The following CYP27A1 variants were observed in gnomAD, a reference collection of about 807,000 sequenced individuals.
CYP27A1 encodes the protein cytochrome P450 family 27 subfamily A member 1, also known as sterol 26-hydroxylase, mitochondrial.
A neutral mutation model predicts 58.2 loss-of-function variants in CYP27A1; 46 were observed. The ratio of observed to expected loss-of-function variants is 0.79; its 90% CI spans 0.62 to 1.01. CYP27A1 has a LOEUF of 1.01. CYP27A1 is among the 50% of genes least tolerant of loss of function. The probability of loss-of-function intolerance (pLI) is 0.00; values close to 1 mark genes in which losing one functional copy is unlikely to be tolerated. For missense variants in CYP27A1, 704 were observed against 687.0 expected, an observed-to-expected ratio of 1.02 and a Z score of -0.28; for synonymous variants, 274 against 285.1, an observed-to-expected ratio of 0.96 and a Z score of 0.39.
At chr2:218,800,161 A>G (rs1943585341) in intron 1 of CYP27A1, among the ~76,000 whole-genome samples, 1 of 152,110 alleles carries the variant, frequency 6.6e-6, no homozygotes, top group South Asian at 2.1e-4. Flanking sequence ...AGAACCTGAG[A>G]GGTGATGAGA....
chr2:218,800,095 G>A (rs953782107), intron 1 of CYP27A1, among the ~76,000 whole-genome samples: 2 of 152,106 alleles, frequency 1.3e-5, no homozygotes, highest in Non-Finnish European at 2.9e-5. Context: ...CAGCCAAGGG[G>A]TTTTATGTTC....
Position 218,815,073 on chromosome 2 carries a change from C to T in CYP27A1, c.*43C>T, listed in dbSNP as rs753496370. ...CTGGGGCTTGTCCTAGAGGCTCCAG[C>T]TCTGGCACAGTGGTTCCTGGCTGCT... is the stretch of plus-strand genomic sequence containing the variant. On this transcript the variant is annotated 3_prime_UTR_variant, in exon 9 of 9. Transcript: ENST00000258415. 3.1e-6 allele frequency: 5 copies of T among 1,613,368 alleles called. No individual in the cohort carries two copies. The highest frequency in any genetic ancestry group is 2.2e-5 in the East Asian group (1 of 44,860).
chr2:218,786,030 G>GT (rs940671534), intron 1 of CYP27A1, among the ~76,000 whole-genome samples: 48 of 152,256 alleles, frequency 3.2e-4, no homozygotes, highest in Admixed American at 1.5e-3. Flanking sequence ...CAAACTTACA[G>GT]TCCCCCAGCT....
Position 218,809,636 on chromosome 2 carries a change from C to T in CYP27A1, c.315C>T (p.His105=), listed in dbSNP as rs753981913. The part of the protein sequence containing the change: ...MWMSYLGPQM[H]VNLASAPLLE... ...TGTCCTACTTAGGGCCTCAGATGCA[C>T]GTGAACCTGGCCAGTGCCCCGCTCT... The change falls in exon 2 of 9, where the codon CAC becomes CAT. Residue 105 remains histidine, a synonymous_variant. Transcript: ENST00000258415. 85 of 1,613,982 alleles carry T rather than the reference C, an allele frequency of 5.3e-5. 1 individual carries two copies. Among genetic ancestry groups the T allele is most frequent in the South Asian group, 3.7e-4 (34 of 91,086 alleles).
intron 1 of CYP27A1, among the ~76,000 whole-genome samples, chr2:218,795,143 A>G (rs1029806557): frequency 2.0e-5 from 3 of 152,202 alleles, no homozygotes; most frequent in African/African-American, 7.2e-5. Flanking sequence ...CATGGATACT[A>G]GCATGACTTT....
chr2:218,814,699 T>TCC lies in CYP27A1; in HGVS notation c.1419_1420dup (p.Arg474ProfsTer21). ...GGCTCTGTGCCCTTTGGCTATGGGG[T>TCC]CCGGGCCTGCCTGGGCCGCAGGATT... On this transcript the variant is annotated frameshift_variant, in exon 8 of 9. Transcript: ENST00000258415. LOFTEE classifies it high-confidence loss of function. 3 of 1,613,994 alleles carry TCC rather than the reference T, an allele frequency of 1.9e-6. No individual in the cohort carries two copies. The South Asian group carries it at 3.3e-5, about 18-fold the overall frequency.
chr2:218,812,281 C>A lies in CYP27A1; in HGVS notation c.506C>A (p.Ala169Glu), dbSNP rs59443548. 8.5e-5 allele frequency: 137 copies of A among 1,614,022 alleles called. No homozygotes were observed. Among genetic ancestry groups the A allele is most frequent in the Non-Finnish European group, 1.2e-4 (136 of 1,180,006 alleles). Residue 169 changes from alanine to glutamate, a missense_variant, in exon 3 of 9, where the codon GCG (alanine) becomes GAG (glutamate). Physicochemically the swap from Ala to Glu is moderately radical, Grantham distance 107. Coordinates refer to ENST00000258415, the MANE Select transcript of CYP27A1 (RefSeq NM_000784.4). ...QALNQRLLKP[A>E]EAALYTDAFN... is the part of the protein sequence containing the mutation. Reference sequence around the variant, plus strand: ...CTGAACCAGCGGTTGCTGAAGCCAGCGGAAGCAGCGCTCTATACGGATGCT... The same window carrying A: ...CTGAACCAGCGGTTGCTGAAGCCAGAGGAAGCAGCGCTCTATACGGATGCT...
At chr2:218,791,670 T>C (rs1398809125) in intron 1 of CYP27A1, among the ~76,000 whole-genome samples, 3 of 152,226 alleles carry the variant, frequency 2.0e-5, no homozygotes, top group Admixed American at 2.0e-4. Flanking sequence ...TATGAAATTA[T>C]GAACCCAAGG....
chr2:218,812,965 C>A lies in CYP27A1; in HGVS notation c.886C>A (p.Gln296Lys). 1 of 1,614,242 alleles carries A rather than the reference C, an allele frequency of 6.2e-7. No homozygotes were observed. The highest frequency in any genetic ancestry group is 1.7e-5 in the Admixed American group (1 of 60,026). The change falls in exon 5 of 9, where the codon CAA (glutamine) becomes AAA (lysine). Residue 296 changes from glutamine (Q) to lysine (K), a missense_variant. Transcript: ENST00000258415. ...TGAGAAGCTCGAAGATATGGAGGCC[C>A]AACTGCAGGCAGCAGGGCCAGATGG... The part of the protein sequence containing the change: ...IDEKLEDMEA[Q>K]LQAAGPDGIQ...
At chr2:218,787,999 T>C (rs954213166) in intron 1 of CYP27A1, among the ~76,000 whole-genome samples, 1 of 152,202 alleles carries the variant, frequency 6.6e-6, no homozygotes, top group Non-Finnish European at 1.5e-5. Flanking sequence ...TAGTCATAAT[T>C]TTGTGTGTCA....
rs1011541224 is a variant in CYP27A1 at position 218,782,510 on chromosome 2, G to A, written c.255+73G>A. On this transcript the variant is annotated intron_variant, in intron 1 of 8. Transcript: ENST00000258415. The surrounding 1 kb of genome is among the most constrained non-coding windows in gnomAD (Gnocchi z 4.1). ...ACAGAGAGGCTAGAGGTGAGAAGAC[G>A]TTGGACAGAAAGTGAAGGCTGCAGG... The A allele has an allele frequency of 7.5e-6, 12 of 1,593,906 alleles. No homozygotes were observed. In the South Asian group the frequency reaches 1.1e-4, roughly 15 times the overall value.
chr2:218,804,398 C>G (rs1309039156), intron 1 of CYP27A1, among the ~76,000 whole-genome samples: 2 of 152,172 alleles, frequency 1.3e-5, no homozygotes, highest in African/African-American at 2.4e-5. Context: ...TTCCATTGGT[C>G]TATATGTCTA....
chr2:218,788,548 T>G (rs1943461035), intron 1 of CYP27A1, among the ~76,000 whole-genome samples: 1 of 152,266 alleles, frequency 6.6e-6, no homozygotes, highest in African/African-American at 2.4e-5. Context: ...TTCAGGTACC[T>G]AGGGAGAGAA....
intron 1 of CYP27A1, among the ~76,000 whole-genome samples, chr2:218,797,441 C>T (rs776967949): frequency 8.5e-5 from 13 of 152,186 alleles, no homozygotes; most frequent in Non-Finnish European, 1.6e-4. Flanking sequence ...TCAGAATTTC[C>T]GAGATCCCAT....
intron 1 of CYP27A1, among the ~76,000 whole-genome samples, chr2:218,800,754 C>A (rs1943592562): frequency 6.6e-6 from 1 of 152,086 alleles, no homozygotes; most frequent in African/African-American, 2.4e-5. Context: ...ATAAATACAC[C>A]CATATGTTGT....
At chr2:218,796,466 C>T (rs1943548992) in intron 1 of CYP27A1, among the ~76,000 whole-genome samples, 1 of 152,062 alleles carries the variant, frequency 6.6e-6, no homozygotes, top group African/African-American at 2.4e-5. Context: ...TGGTGGTACA[C>T]ACCTATAGTT....
At chr2:218,802,116 C>T (rs958488312) in intron 1 of CYP27A1, among the ~76,000 whole-genome samples, 2 of 151,370 alleles carry the variant, frequency 1.3e-5, no homozygotes, top group Admixed American at 1.3e-4. Flanking sequence ...TTTGTTTCCT[C>T]TTATTTAAGA....
Position 218,782,292 on chromosome 2 carries a change from C to T in CYP27A1, c.110C>T (p.Ser37Leu), listed in dbSNP as rs1559384559. Residue 37 changes from serine (S) to leucine (L), a missense_variant, in exon 1 of 9, where the codon TCG (serine) becomes TTG (leucine). By Grantham distance (145) the Ser-to-Leu change is moderately radical (BLOSUM62 -2). Transcript: ENST00000258415. This position sits in a 1 kb window ranked among gnomAD's most constrained non-coding sequence, Gnocchi z 4.1. ...AKAAIPAALPSDKATGAPGAG... is the reference protein window; with the variant it reads ...AKAAIPAALPLDKATGAPGAG... ...GCCGCGATCCCTGCCGCCCTCCCCTCGGACAAGGCCACCGGAGCTCCCGGA... is the reference window on the plus strand; with the variant it reads ...GCCGCGATCCCTGCCGCCCTCCCCTTGGACAAGGCCACCGGAGCTCCCGGA... The T allele has an allele frequency of 6.3e-7, 1 of 1,599,388 alleles. No individual in the cohort carries two copies. Among genetic ancestry groups the T allele is most frequent in the Admixed American group, 1.7e-5 (1 of 57,812 alleles).
intron 1 of CYP27A1, among the ~76,000 whole-genome samples, chr2:218,784,813 G>A (rs1018940430): frequency 1.3e-5 from 2 of 152,146 alleles, no homozygotes; most frequent in Admixed American, 1.3e-4. Flanking sequence ...TGATTCTTTT[G>A]AGTATTTCAG....
Sources: gnomAD v4.1 joint callset for allele counts (sites outside exome capture counted in the v4.1 genomes callset) on GRCh38, gnomAD v4.1.1 for gene constraint, Gnocchi (gnomAD v3.1) non-coding constraint, MANE v1.5 for transcripts, NCBI Gene and HGNC (gene_info 2026-07-23, HGNC 2026-07-21) for gene names.